Variants in RBFOX2 observed in about 807,000 individuals in gnomAD.
The protein encoded by RBFOX2 is RNA binding fox-1 homolog 2.
RBFOX2 carries 10 observed loss-of-function variants against 49.1 expected under a neutral mutation model. That is an observed-to-expected ratio of 0.20 (90% CI 0.13 to 0.35). The LOEUF (loss-of-function observed/expected upper bound fraction) is 0.35, where lower values mean the gene tolerates loss of function less well. Ranked by LOEUF, RBFOX2 falls within the 10% of genes least tolerant of loss-of-function variation. RBFOX2 has a pLI of 1.00. For synonymous variants in RBFOX2, 183 were observed against 187.4 expected, an observed-to-expected ratio of 0.98 and a Z score of 0.19; for missense variants, 323 against 486.9, an observed-to-expected ratio of 0.66 and a Z score of 3.17.
chr22:35,744,591 T>C lies in RBFOX2; in HGVS notation c.1050-342A>G, dbSNP rs531919714. Among the ~76,000 whole-genome samples, 5 of 152,368 alleles carry C rather than the reference T, an allele frequency of 3.3e-5. No homozygotes were observed. The East Asian group carries it at 9.6e-4, about 29-fold the overall frequency. Reference sequence around the variant, plus strand: ...TTAAAAGCACAGGTTTTTGTTTACCTTGATACAGCCTTATAATCCTGGTGG... The same window carrying C: ...TTAAAAGCACAGGTTTTTGTTTACCCTGATACAGCCTTATAATCCTGGTGG... On this transcript the variant is annotated intron_variant, in intron 11 of 11. Coordinates refer to ENST00000405409, the Ensembl canonical transcript of RBFOX2.
At chr22:35,866,878 T>C (rs1313651587) in intron 1 of RBFOX2, among the ~76,000 whole-genome samples, 1 of 152,214 alleles carries the variant, frequency 6.6e-6, no homozygotes, top group Non-Finnish European at 1.5e-5. Context: ...GGCCAGGCTC[T>C]AACCAGGAGT....
At chr22:35,852,937 G>A (rs1319409561) in intron 1 of RBFOX2, among the ~76,000 whole-genome samples, 1 of 152,172 alleles carries the variant, frequency 6.6e-6, no homozygotes, top group East Asian at 1.9e-4. Flanking sequence ...AATTTCCAGA[G>A]AAAGATTTAA....
chr22:35,956,704 G>C (rs1300208790), intron 1 of RBFOX2, among the ~76,000 whole-genome samples: 3 of 152,070 alleles, frequency 2.0e-5, no homozygotes, highest in African/African-American at 7.2e-5. Flanking sequence ...TAGTCTATCA[G>C]TTGTTCTTTC....
chr22:35,923,747 T>G (rs1306036317), intron 1 of RBFOX2, among the ~76,000 whole-genome samples: 1 of 151,694 alleles, frequency 6.6e-6, no homozygotes, highest in African/African-American at 2.4e-5. Context: ...CACTGGGGTC[T>G]TACCAAAGAT....
In RBFOX2 at chr22:35,968,016, C is replaced by T. The variant is rs192324238; in HGVS notation, c.187-29119G>A. Among the ~76,000 whole-genome samples, 3 of 152,246 alleles carry T rather than the reference C, an allele frequency of 2.0e-5. No individual in the cohort carries two copies. The East Asian group carries it at 5.8e-4, about 29-fold the overall frequency. On this transcript the variant is annotated intron_variant, in intron 1 of 13. Transcript: ENST00000438146. ...GTATATGTATACACATATGCTTTCACACACCCACACAACCCGAAACTTTTT... is the reference window on the plus strand; with the variant it reads ...GTATATGTATACACATATGCTTTCATACACCCACACAACCCGAAACTTTTT...
At chr22:35,978,034 C>G (rs2057282919) in intron 1 of RBFOX2, among the ~76,000 whole-genome samples, 1 of 151,800 alleles carries the variant, frequency 6.6e-6, no homozygotes, top group African/African-American at 2.4e-5. Flanking sequence ...GCCAAAGGAG[C>G]CCATTGACTG....
chr22:35,971,912 T>TAA (rs527896726), intron 1 of RBFOX2, among the ~76,000 whole-genome samples: 8,749 of 56,576 alleles, frequency 0.15, 1,159 homozygotes, highest in Middle Eastern at 0.21. Flanking sequence ...TTTTTCTCCC[T>TAA]AAAAAAAAAA....
upstream of RBFOX2, among the ~76,000 whole-genome samples, chr22:35,844,864 A>G: frequency 6.6e-6 from 1 of 152,090 alleles, no homozygotes; most frequent in African/African-American, 2.4e-5. Flanking sequence ...GAAGATGTAC[A>G]AAAAGAGTGG....
intron 1 of RBFOX2, among the ~76,000 whole-genome samples, chr22:35,835,712 G>A (rs1403649376): frequency 1.3e-5 from 2 of 152,178 alleles, no homozygotes; most frequent in African/African-American, 4.8e-5. Context: ...AAGTGTGTGT[G>A]ATTAGGGGGT....
At chr22:35,896,936 T>C (rs2047919867) in intron 1 of RBFOX2, among the ~76,000 whole-genome samples, 1 of 152,210 alleles carries the variant, frequency 6.6e-6, no homozygotes, top group Non-Finnish European at 1.5e-5. Flanking sequence ...TAGACTCTTT[T>C]ACATGTCCAT....
At chr22:35,847,471 G>A (rs1005447280) in intron 1 of RBFOX2, among the ~76,000 whole-genome samples, 1 of 152,116 alleles carries the variant, frequency 6.6e-6, no homozygotes, top group African/African-American at 2.4e-5. Flanking sequence ...GCAATGGAAA[G>A]CTTGGATTTA....
rs549921758 is a variant in RBFOX2 at position 35,950,672 on chromosome 22, T to A, written c.42+10891A>T. On this transcript the variant is annotated intron_variant, in intron 1 of 5. Coordinates refer to the RBFOX2 transcript ENST00000408983. The stretch of plus-strand genomic sequence containing the variant: ...ATAGGGACTTACTTCTCTGCCATTC[T>A]GAGAGTCAAAGTCATGCCTTCTCCA... Among the ~76,000 whole-genome samples, 3 of 152,294 alleles carry A rather than the reference T, an allele frequency of 2.0e-5. No homozygotes were observed. The East Asian group carries it at 5.8e-4, about 29-fold the overall frequency.
At chr22:35,980,062 T>G (rs556542099) in intron 1 of RBFOX2, among the ~76,000 whole-genome samples, 1 of 152,202 alleles carries the variant, frequency 6.6e-6, no homozygotes, top group Non-Finnish European at 1.5e-5. Flanking sequence ...ATGGTTTGCC[T>G]TTACTTGTAC....
chr22:35,960,941 C>T (rs1328103720), intron 1 of RBFOX2, among the ~76,000 whole-genome samples: 3 of 151,788 alleles, frequency 2.0e-5, no homozygotes, highest in Non-Finnish European at 2.9e-5. Flanking sequence ...TTTGGATGCA[C>T]AGGTTCTGTT....
chr22:35,740,527 C>T (rs62233617), exon 12 of RBFOX2: 4,410 of 152,646 alleles, frequency 0.029, 98 homozygotes, highest in Non-Finnish European at 0.045. Flanking sequence ...GACCCCTTCC[C>T]CACCCCCCAA....
chr22:35,834,218 G>T (rs1010300282), intron 1 of RBFOX2, among the ~76,000 whole-genome samples: 4 of 152,202 alleles, frequency 2.6e-5, no homozygotes. Flanking sequence ...ACTTGGGCAA[G>T]TTACTTAACC....
chr22:35,937,504 C>T (rs776489299), intron 1 of RBFOX2, among the ~76,000 whole-genome samples: 16 of 152,192 alleles, frequency 1.1e-4, no homozygotes, highest in African/African-American at 4.8e-5. Flanking sequence ...TGGACAAATA[C>T]TCTCAAATCT....
chr22:35,949,743 C>T (rs2054706001), intron 1 of RBFOX2, among the ~76,000 whole-genome samples: 1 of 152,084 alleles, frequency 6.6e-6, no homozygotes, highest in South Asian at 2.1e-4. Flanking sequence ...AGTCCCCTGC[C>T]CATTTTATAA....
chr22:35,971,683 T>C (rs755345972), intron 1 of RBFOX2, among the ~76,000 whole-genome samples: 39 of 152,130 alleles, frequency 2.6e-4, no homozygotes, highest in Non-Finnish European at 4.3e-4. Context: ...AGGGAGCAGT[T>C]CACAGAATGA....
Sources: gnomAD v4.1 joint callset for allele counts (sites outside exome capture counted in the v4.1 genomes callset) on GRCh38, gnomAD v4.1.1 for gene constraint, MANE v1.5 for transcripts, NCBI Gene and HGNC (gene_info 2026-07-23, HGNC 2026-07-21) for gene names.